The following CCDC149 variants were observed in gnomAD, a reference collection of about 807,000 sequenced individuals.
CCDC149 encodes coiled-coil domain containing 149.
In CCDC149, 45 loss-of-function variants were observed where a neutral mutation model predicts 59.9. The ratio of observed to expected loss-of-function variants is 0.75; its 90% CI spans 0.59 to 0.96. The LOEUF is 0.96. Ranked by LOEUF, CCDC149 falls within the 40% of genes least tolerant of loss-of-function variation. CCDC149 has a pLI of 0.00. For synonymous variants in CCDC149, 245 were observed against 260.6 expected (o/e 0.94, Z 0.58); for missense variants, 584 against 664.7 (o/e 0.88, Z 1.33).
chr4:24,844,629 T>C (rs182739262), intron 4 of CCDC149, among the ~76,000 whole-genome samples: 7 of 151,972 alleles, frequency 4.6e-5, no homozygotes, highest in Non-Finnish European at 8.8e-5. Context: ...AAAAACTAAC[T>C]GGGCATGGTG....
intron 9 of CCDC149, chr4:24,826,961 G>A (rs1301034775): frequency 6.6e-6 from 1 of 152,226 alleles, no homozygotes; most frequent in Non-Finnish European, 1.5e-5. Context: ...GTTTTTGCAG[G>A]ATGAGGGAGA....
chr4:24,825,742 C>T (rs535496549), intron 9 of CCDC149, among the ~76,000 whole-genome samples: 3 of 150,870 alleles, frequency 2.0e-5, no homozygotes, highest in South Asian at 2.1e-4. Context: ...CACTGCACTC[C>T]GACCTGGGCG....
rs773238708 is a variant in CCDC149, at chr4:24,949,245, T to C, written c.-65+30824A>G. Among the ~76,000 whole-genome samples the C allele has an allele frequency of 3.9e-5, 6 of 152,158 alleles. 1 individual carries two copies. The South Asian group carries it at 8.3e-4, about 21-fold the overall frequency. On this transcript the variant is annotated intron_variant, in intron 1 of 12. Transcript: ENST00000389609. Reference sequence around the variant, plus strand: ...CAGAAATGTGGCATCTCTTTCCTGCTGGGACAGATGCACTCGGAGACTTCT... The same window carrying C: ...CAGAAATGTGGCATCTCTTTCCTGCCGGGACAGATGCACTCGGAGACTTCT...
At chr4:24,854,011 T>C (rs1282723456) in intron 3 of CCDC149, among the ~76,000 whole-genome samples, 1 of 152,172 alleles carries the variant, frequency 6.6e-6, no homozygotes, top group East Asian at 1.9e-4. Flanking sequence ...TCCAGGTCCC[T>C]CCGGTCTCCA....
At chr4:24,922,622 G>A (rs983178365) in intron 1 of CCDC149, among the ~76,000 whole-genome samples, 1 of 152,180 alleles carries the variant, frequency 6.6e-6, no homozygotes, top group Admixed American at 6.5e-5. Flanking sequence ...CAGCAGTTTA[G>A]TGAACTCTGC....
intron 1 of CCDC149, among the ~76,000 whole-genome samples, chr4:24,907,588 GGGA>G (rs1410474118): frequency 6.6e-6 from 1 of 152,158 alleles, no homozygotes; most frequent in Admixed American, 6.5e-5. Flanking sequence ...TTGAAAGGAT[GGGA>G]GGCTTAGACT....
chr4:24,923,333 A>G (rs1722351732), intron 1 of CCDC149, among the ~76,000 whole-genome samples: 1 of 152,246 alleles, frequency 6.6e-6, no homozygotes, highest in African/African-American at 2.4e-5. Context: ...AGTTCCTGCT[A>G]TGCCAGGCAC....
Position 24,831,363 on chromosome 4 carries a change from C to G in CCDC149, c.965+143G>C, listed in dbSNP as rs528755042. Reference sequence around the variant, plus strand: ...GCTGATATAAAGCAGAAGCACCATTCTAGTTTAATAAGTTTCCTTCTTGAT... The same window carrying G: ...GCTGATATAAAGCAGAAGCACCATTGTAGTTTAATAAGTTTCCTTCTTGAT... On this transcript the variant is annotated intron_variant, in intron 9 of 12. Transcript: ENST00000635206. 9 of 770,540 alleles carry G rather than the reference C, an allele frequency of 1.2e-5. No homozygotes were observed. In the South Asian group the frequency reaches 1.4e-4, roughly 12 times the overall value. The allele number at this position is 770,540 out of a possible 1,614,324, so 47.7% of individuals were successfully genotyped here. A position where few individuals can be genotyped will look rare whatever the true frequency, so the allele number is the denominator to read the frequency against.
chr4:24,892,379 C>G (rs1233100946), intron 1 of CCDC149, among the ~76,000 whole-genome samples: 1 of 152,196 alleles, frequency 6.6e-6, no homozygotes, highest in Non-Finnish European at 1.5e-5. Context: ...AGCCCAGTAA[C>G]TGGCATGCAG....
At chr4:24,833,230 G>GAA (rs200486654) in intron 8 of CCDC149, among the ~76,000 whole-genome samples, 7 of 142,968 alleles carry the variant, frequency 4.9e-5, no homozygotes, top group Non-Finnish European at 1.1e-4. Context: ...TTTCAAAAAT[G>GAA]AAAAAAAAAA....
intron 1 of CCDC149, among the ~76,000 whole-genome samples, chr4:24,966,325 G>T (rs1441778118): frequency 6.6e-6 from 1 of 152,148 alleles, no homozygotes; most frequent in Non-Finnish European, 1.5e-5. Flanking sequence ...TGTTTGACCT[G>T]AATACCCAGG....
chr4:24,974,905 G>C (rs555752587), intron 1 of CCDC149, among the ~76,000 whole-genome samples: 1 of 152,256 alleles, frequency 6.6e-6, no homozygotes, highest in African/African-American at 2.4e-5. Flanking sequence ...AGGAAGGGGA[G>C]GGAAGGGAAA....
chr4:24,880,998 C>T (rs1169915979), intron 1 of CCDC149, among the ~76,000 whole-genome samples: 2 of 152,186 alleles, frequency 1.3e-5, no homozygotes, highest in African/African-American at 4.8e-5. Context: ...GGTAAGGGCT[C>T]CAGTCCAGAA....
intron 1 of CCDC149, among the ~76,000 whole-genome samples, chr4:24,921,843 G>A (rs1037535281): frequency 2.0e-5 from 3 of 152,136 alleles, no homozygotes; most frequent in Non-Finnish European, 2.9e-5. Context: ...TCCAAAATCC[G>A]CACCCCCTAT....
At chr4:24,934,307 T>C (rs1040182769) in intron 1 of CCDC149, among the ~76,000 whole-genome samples, 1 of 152,140 alleles carries the variant, frequency 6.6e-6, no homozygotes, top group Non-Finnish European at 1.5e-5. Flanking sequence ...TTATAAAGGG[T>C]TTCCCCTTTT....
chr4:24,956,819 G>A (rs894402007), intron 1 of CCDC149, among the ~76,000 whole-genome samples: 1 of 152,210 alleles, frequency 6.6e-6, no homozygotes, highest in African/African-American at 2.4e-5. Flanking sequence ...TTGGGTTCTG[G>A]AAGTAGCATA....
At chr4:24,891,868 G>A (rs943014646) in intron 1 of CCDC149, among the ~76,000 whole-genome samples, 10 of 151,868 alleles carry the variant, frequency 6.6e-5, no homozygotes, top group East Asian at 1.9e-4. Flanking sequence ...GTGTGGTGGC[G>A]TACATCTGTA....
intron 1 of CCDC149, among the ~76,000 whole-genome samples, chr4:24,947,851 T>A (rs994470035): frequency 6.6e-6 from 1 of 152,094 alleles, no homozygotes; most frequent in African/African-American, 2.4e-5. Flanking sequence ...AGATAGTTAG[T>A]GGCATTGATG....
At chr4:24,971,451 C>A (rs377635432) in intron 1 of CCDC149, among the ~76,000 whole-genome samples, 8 of 152,218 alleles carry the variant, frequency 5.3e-5, no homozygotes, top group African/African-American at 1.9e-4. Flanking sequence ...AGGTGCACAA[C>A]CCTGCACATT....
Sources: gnomAD v4.1 joint callset for allele counts (sites outside exome capture counted in the v4.1 genomes callset) on GRCh38, gnomAD v4.1.1 for gene constraint, MANE v1.5 for transcripts, NCBI Gene and HGNC (gene_info 2026-07-23, HGNC 2026-07-21) for gene names.